Variants in TMEM266 observed in about 807,000 individuals in gnomAD.
TMEM266 encodes the protein Hv1 related protein 1.
In TMEM266, 33 loss-of-function variants were observed where a neutral mutation model predicts 50.5. That is an observed-to-expected ratio of 0.65 (90% confidence interval 0.50 to 0.87). The LOEUF (loss-of-function observed/expected upper bound fraction) is 0.87, where lower values mean the gene tolerates loss of function less well. TMEM266 is among the 40% of genes least tolerant of loss of function. The pLI is 0.00. For missense variants in TMEM266, 655 were observed against 695.1 expected (o/e 0.94, Z 0.65); for synonymous variants, 310 against 292.3 (o/e 1.06, Z -0.62).
intron 8 of TMEM266, 98 bp from the exon 9 acceptor site, chr15:76,191,870 A>C (rs1596167273): frequency 5.3e-6 from 6 of 1,129,480 alleles, no homozygotes; most frequent in South Asian, 1.7e-5. Flanking sequence ...AGTCCTCCCC[A>C]CCCCGCCCCC....
chr15:76,154,565 C>G (rs1299996334), intron 3 of TMEM266, among the ~76,000 whole-genome samples: 1 of 152,054 alleles, frequency 6.6e-6, no homozygotes, highest in Non-Finnish European at 1.5e-5. Flanking sequence ...TCATCTCTTG[C>G]CCCATACTCT....
At chr15:76,142,756 C>T (rs184020290) in intron 3 of TMEM266, among the ~76,000 whole-genome samples, 113 of 152,312 alleles carry the variant, frequency 7.4e-4, no homozygotes, top group Non-Finnish European at 1.3e-3. Flanking sequence ...CCTAGAAGCC[C>T]TTTGTCCTCC....
chr15:76,173,671 G>A (rs2038221750), intron 7 of TMEM266, among the ~76,000 whole-genome samples: 1 of 152,184 alleles, frequency 6.6e-6, no homozygotes, highest in Non-Finnish European at 1.5e-5. Context: ...GGTGGCTCAT[G>A]CCTGTAATCC....
At chr15:76,193,709 T>C (rs1567183712) in intron 9 of TMEM266, among the ~76,000 whole-genome samples, 1 of 152,176 alleles carries the variant, frequency 6.6e-6, no homozygotes, top group Non-Finnish European at 1.5e-5. Flanking sequence ...TCCACATGGC[T>C]CTGCCTGTAA....
intron 3 of TMEM266, among the ~76,000 whole-genome samples, chr15:76,152,967 A>G (rs1338744056): frequency 6.6e-6 from 1 of 151,980 alleles, no homozygotes; most frequent in Non-Finnish European, 1.5e-5. Context: ...TGGCATTCGA[A>G]TCCTGCCATC....
intron 7 of TMEM266, 106 bp downstream of exon 7, chr15:76,171,237 A>G: frequency 1.4e-6 from 2 of 1,455,986 alleles, no homozygotes; most frequent in Non-Finnish European, 1.8e-6. Flanking sequence ...TGGCGTCAGG[A>G]CGGAAGGTGA....
chr15:76,172,132 G>A (rs1567175553), intron 7 of TMEM266, among the ~76,000 whole-genome samples: 1 of 152,210 alleles, frequency 6.6e-6, no homozygotes, highest in East Asian at 1.9e-4. Context: ...GAGTGACCAG[G>A]AGGTTGTATA....
intron 1 of TMEM266, among the ~76,000 whole-genome samples, chr15:76,127,466 A>G (rs547685529): frequency 6.6e-6 from 1 of 152,212 alleles, no homozygotes; most frequent in East Asian, 1.9e-4. Context: ...AGCTGAGACT[A>G]TAGGTGCAAG....
chr15:76,198,089 C>A (rs958156329), intron 9 of TMEM266, among the ~76,000 whole-genome samples: 1 of 152,200 alleles, frequency 6.6e-6, no homozygotes, highest in Non-Finnish European at 1.5e-5. Context: ...AGGGATGGCC[C>A]TGGGCTAAAC....
chr15:76,072,438 CAAAAAAAAAAAA>C (rs766766619), intron 1 of TMEM266, among the ~76,000 whole-genome samples: 1 of 54,564 alleles, frequency 1.8e-5, no homozygotes, highest in Non-Finnish European at 4.0e-5. Context: ...AAAACTCTGT[CAAAAAAAAAAAA>C]AAAAAAAAAA....
rs183334874 is a variant in TMEM266 at position 76,172,444 on chromosome 15, C to T, written c.652+1313C>T. On this transcript the variant is annotated intron_variant, in intron 7 of 10. Coordinates refer to ENST00000388942, the MANE Select transcript of TMEM266 (RefSeq NM_152335.3). ...AAAAATTGAAGCCATGAGAATATTC[C>T]GCCAGCATTTGCCACGCAGGTGCAA... is the stretch of plus-strand genomic sequence containing the variant. Among the ~76,000 whole-genome samples the T allele has an allele frequency of 1.9e-4, 29 of 152,282 alleles. No homozygotes were observed. In the East Asian group the frequency reaches 4.4e-3, roughly 23 times the overall value.
intron 1 of TMEM266, among the ~76,000 whole-genome samples, chr15:76,084,897 C>T (rs560057541): frequency 2.0e-5 from 3 of 151,278 alleles, no homozygotes; most frequent in East Asian, 1.9e-4. Context: ...GTGCCCAGCC[C>T]AGAGATAAGT....
At chr15:76,070,601 C>A (rs1229325776) in intron 1 of TMEM266, among the ~76,000 whole-genome samples, 2 of 152,190 alleles carry the variant, frequency 1.3e-5, no homozygotes, top group Non-Finnish European at 2.9e-5. Context: ...TACTACTACT[C>A]TAGTACTCTG....
In TMEM266 at chr15:76,183,036, G is replaced by T. The variant is rs191500876; in HGVS notation, c.768+7362G>T. Among the ~76,000 whole-genome samples the T allele has an allele frequency of 5.0e-3, 751 of 151,418 alleles. 3 individuals carry two copies. Among genetic ancestry groups the T allele is most frequent in the Non-Finnish European group, 7.1e-3 (484 of 67,920 alleles). ...CATACTCCAATGCAGGTTGCAATGG[G>T]GCAGGGTGGAGGGACCCTCTGTTCC... is the stretch of plus-strand genomic sequence containing the variant. On this transcript the variant is annotated intron_variant, in intron 8 of 10. Coordinates refer to ENST00000388942, the MANE Select transcript of TMEM266 (RefSeq NM_152335.3).
intron 10 of TMEM266, 133 bp downstream of exon 10, chr15:76,202,397 G>A (rs2038762869): frequency 2.5e-6 from 2 of 789,320 alleles, no homozygotes; most frequent in East Asian, 2.8e-5. Flanking sequence ...CAGTGCTCAA[G>A]GTTAAAATAT....
At chr15:76,130,218 CAAAAAAAAAAAAAAAAAA>C (rs869247918) in intron 1 of TMEM266, among the ~76,000 whole-genome samples, 1 of 25,762 alleles carries the variant, frequency 3.9e-5, no homozygotes, top group Non-Finnish European at 6.3e-5. Flanking sequence ...GAGACCCTGT[CAAAAAAAAAAAAAAAAAA>C]AAAAAAAAAA....
At chr15:76,143,373 A>G (rs1026306577) in intron 3 of TMEM266, among the ~76,000 whole-genome samples, 1 of 152,092 alleles carries the variant, frequency 6.6e-6, no homozygotes, top group Non-Finnish European at 1.5e-5. Context: ...CGTCCACACC[A>G]TGGAAACTGT....
intron 1 of TMEM266, among the ~76,000 whole-genome samples, chr15:76,119,799 G>T (rs1346691185): frequency 6.6e-6 from 1 of 152,092 alleles, no homozygotes; most frequent in African/African-American, 2.4e-5. Context: ...AGAAGAAAAA[G>T]AAATATTGTG....
At chr15:76,093,721 C>T (rs1296080611) in intron 1 of TMEM266, among the ~76,000 whole-genome samples, 1 of 146,186 alleles carries the variant, frequency 6.8e-6, no homozygotes, top group Non-Finnish European at 1.5e-5. Flanking sequence ...CTAATTTACA[C>T]TCCCACCAAC....
Sources: allele counts gnomAD v4.1 joint callset (sites outside exome capture counted in the v4.1 genomes callset), GRCh38; gene constraint gnomAD v4.1.1; transcripts MANE v1.5; gene names NCBI Gene and HGNC (gene_info 2026-07-23, HGNC 2026-07-21).